Variants in SLC24A4 observed in about 807,000 individuals in gnomAD.
SLC24A4 encodes the protein solute carrier family 24 member 4.
In SLC24A4, 53 loss-of-function variants were observed where a neutral mutation model predicts 79.0. The observed-to-expected ratio is 0.67, with a 90% CI of 0.54 to 0.84. The LOEUF is 0.84. SLC24A4 is among the 40% of genes least tolerant of loss of function. SLC24A4 has a pLI of 0.00. For missense variants in SLC24A4, 731 were observed against 822.0 expected (o/e 0.89, Z 1.35); for synonymous variants, 323 against 323.8 (o/e 1.00, Z 0.03).
At chr14:92,370,299 A>G (rs1036833482) in intron 2 of SLC24A4, among the ~76,000 whole-genome samples, 15 of 152,212 alleles carry the variant, frequency 9.9e-5, no homozygotes, top group African/African-American at 2.9e-4. Flanking sequence ...AACCTGCCAC[A>G]CATGAACTGT....
chr14:92,363,498 G>A (rs1382201175), intron 2 of SLC24A4, among the ~76,000 whole-genome samples: 2 of 152,234 alleles, frequency 1.3e-5, no homozygotes, highest in African/African-American at 4.8e-5. Flanking sequence ...GATTTGCCAA[G>A]CGTTGCATGT....
chr14:92,428,937 T>A (rs898382135), intron 2 of SLC24A4, among the ~76,000 whole-genome samples: 4 of 152,334 alleles, frequency 2.6e-5, no homozygotes, highest in African/African-American at 9.6e-5. Flanking sequence ...AGGCTACATA[T>A]TACATGATTC....
intron 12 of SLC24A4, among the ~76,000 whole-genome samples, chr14:92,475,603 A>G (rs1051084884): frequency 6.6e-6 from 1 of 152,204 alleles, no homozygotes; most frequent in Admixed American, 6.5e-5. Context: ...GAGGCTGAAG[A>G]GAGGCCAGAT....
At chr14:92,461,649 A>G (rs1329705929) in intron 12 of SLC24A4, among the ~76,000 whole-genome samples, 2 of 152,232 alleles carry the variant, frequency 1.3e-5, no homozygotes, top group African/African-American at 4.8e-5. Flanking sequence ...ATTACCTCCT[A>G]AAAGCTCTAT....
chr14:92,367,508 A>G (rs1236151233), intron 2 of SLC24A4, among the ~76,000 whole-genome samples: 1 of 152,196 alleles, frequency 6.6e-6, no homozygotes, highest in African/African-American at 2.4e-5. Flanking sequence ...TCTCCGGCCT[A>G]CCTGGGAAGA....
chr14:92,424,278 A>G (rs949249033), intron 2 of SLC24A4, among the ~76,000 whole-genome samples: 1 of 152,186 alleles, frequency 6.6e-6, no homozygotes, highest in Non-Finnish European at 1.5e-5. Flanking sequence ...GAGAGGTAAT[A>G]AGGGTTAAAT....
At chr14:92,358,695 C>CTTT (rs749108837) in intron 2 of SLC24A4, among the ~76,000 whole-genome samples, 7 of 130,876 alleles carry the variant, frequency 5.3e-5, no homozygotes, top group African/African-American at 1.5e-4. Flanking sequence ...CACATCTACT[C>CTTT]TTTTTTTTTT....
Position 92,339,929 on chromosome 14 carries a change from T to A in SLC24A4, c.241+13951T>A, listed in dbSNP as rs150926444. Among the ~76,000 whole-genome samples, 16 of 152,354 alleles carry A rather than the reference T, an allele frequency of 1.1e-4. No individual in the cohort carries two copies. The East Asian group carries it at 3.1e-3, about 29-fold the overall frequency. ...GAGTCTTAGGCAGAAGTGATTGTCT[T>A]ACTTGGGGTGTCAAGGAATAGGTTG... On this transcript the variant is annotated intron_variant, in intron 2 of 16. Transcript: ENST00000532405.
intron 11 of SLC24A4, among the ~76,000 whole-genome samples, chr14:92,456,008 T>C (rs974154610): frequency 2.6e-5 from 4 of 152,220 alleles, no homozygotes; most frequent in Non-Finnish European, 4.4e-5. Context: ...GCAGTGAGTG[T>C]ACATTTTGTA....
intron 14 of SLC24A4, among the ~76,000 whole-genome samples, chr14:92,487,498 C>T (rs545850041): frequency 6.6e-6 from 1 of 152,036 alleles, no homozygotes; most frequent in African/African-American, 2.4e-5. Context: ...AGAGACAGGA[C>T]GTGTTATTCC....
chr14:92,331,835 A>G (rs1481233989), intron 2 of SLC24A4, among the ~76,000 whole-genome samples: 2 of 152,206 alleles, frequency 1.3e-5, no homozygotes, highest in Non-Finnish European at 2.9e-5. Flanking sequence ...TGTGAAGATC[A>G]TGAGGATGAA....
chr14:92,337,431 C>T (rs1272993633), intron 2 of SLC24A4, among the ~76,000 whole-genome samples: 1 of 152,186 alleles, frequency 6.6e-6, no homozygotes, highest in African/African-American at 2.4e-5. Context: ...TCATCGTACC[C>T]ATTGAGAAGC....
At chr14:92,421,109 C>T (rs1286118896) in intron 2 of SLC24A4, among the ~76,000 whole-genome samples, 1 of 152,148 alleles carries the variant, frequency 6.6e-6, no homozygotes, top group Non-Finnish European at 1.5e-5. Context: ...GTGCTGTGTT[C>T]AGGTGCATGA....
At chr14:92,352,436 T>C (rs953792329) in intron 2 of SLC24A4, among the ~76,000 whole-genome samples, 2 of 152,176 alleles carry the variant, frequency 1.3e-5, no homozygotes, top group Non-Finnish European at 2.9e-5. Context: ...AGGAATGAGC[T>C]GGGAGATGAG....
At chr14:92,342,476 C>T (rs1337888389) in intron 2 of SLC24A4, among the ~76,000 whole-genome samples, 3 of 151,960 alleles carry the variant, frequency 2.0e-5, no homozygotes, top group South Asian at 2.1e-4. Flanking sequence ...CTCTGCCTCC[C>T]GGGTTCAAGT....
At chr14:92,436,943 G>A (rs1029762151) in intron 3 of SLC24A4, among the ~76,000 whole-genome samples, 1 of 152,134 alleles carries the variant, frequency 6.6e-6, no homozygotes, top group Admixed American at 6.5e-5. Context: ...AAATGTTGAC[G>A]ATGAGTCAAA....
At chr14:92,425,580 T>C (rs2139768993) in intron 2 of SLC24A4, among the ~76,000 whole-genome samples, 1 of 152,322 alleles carries the variant, frequency 6.6e-6, no homozygotes, top group Non-Finnish European at 1.5e-5. Flanking sequence ...GACCAGCCAT[T>C]GTCTGTTCGT....
At chr14:92,473,384 GTGGGCAAGTCTGCT>G (rs1894540239) in intron 12 of SLC24A4, among the ~76,000 whole-genome samples, 1 of 151,994 alleles carries the variant, frequency 6.6e-6, no homozygotes. Flanking sequence ...GCCCAGCCTG[GTGGGCAAGTCTGCT>G]TGGGAGACCA....
chr14:92,322,714 T>C (rs1884861838), upstream of SLC24A4: 1 of 152,602 alleles, frequency 6.6e-6, no homozygotes, highest in South Asian at 2.1e-4. Flanking sequence ...CAAGCTCGTG[T>C]TGGCTTGGTG....
Sources: gnomAD v4.1 joint callset for allele counts (sites outside exome capture counted in the v4.1 genomes callset) on GRCh38, gnomAD v4.1.1 for gene constraint, MANE v1.5 for transcripts, NCBI Gene and HGNC (gene_info 2026-07-23, HGNC 2026-07-21) for gene names.